The following USH2A variants were observed in gnomAD, a reference collection of about 807,000 sequenced individuals.
The protein encoded by USH2A is Usher syndrome 2A (autosomal recessive, mild).
Under a neutral mutation model 538.9 loss-of-function variants are expected in USH2A, and 443 were observed. The observed-to-expected ratio is 0.82, with a 90% CI of 0.76 to 0.89. The LOEUF (loss-of-function observed/expected upper bound fraction) is 0.89. Ranked by LOEUF, USH2A falls within the 40% of genes least tolerant of loss-of-function variation. The pLI is 0.00. For synonymous variants in USH2A, 2,413 were observed against 2,273.5 expected, an observed-to-expected ratio of 1.06 and a Z score of -1.75; for missense variants, 6,633 against 6,324.8, an observed-to-expected ratio of 1.05 and a Z score of -1.65.
chr1:216,065,341 A>G (rs932271217), intron 30 of USH2A, among the ~76,000 whole-genome samples: 1 of 152,228 alleles, frequency 6.6e-6, no homozygotes, highest in African/African-American at 2.4e-5. Flanking sequence ...TGTTATCAAT[A>G]TGGTATATCT....
chr1:216,348,023 T>G (rs1485009617), intron 4 of USH2A, among the ~76,000 whole-genome samples: 1 of 152,178 alleles, frequency 6.6e-6, no homozygotes, highest in Non-Finnish European at 1.5e-5. Flanking sequence ...CTTAAAATGT[T>G]GCTGATCCTT....
At chr1:216,249,197 A>T (rs770757662) in intron 12 of USH2A, among the ~76,000 whole-genome samples, 1 of 152,104 alleles carries the variant, frequency 6.6e-6, no homozygotes, top group Non-Finnish European at 1.5e-5. Context: ...CAGAAATAAC[A>T]CTAGAAATAA....
chr1:216,051,741 A>T (rs543904775), intron 30 of USH2A, among the ~76,000 whole-genome samples: 1 of 152,244 alleles, frequency 6.6e-6, no homozygotes, highest in African/African-American at 2.4e-5. Context: ...CAATGCTGAT[A>T]TACAGGTTGG....
rs756832238 is a variant in USH2A at position 215,675,096 on chromosome 1, G to A, written c.12815C>T (p.Ser4272Phe). The change falls in exon 63 of 72, where the codon TCC becomes TTC. Residue 4272 changes from serine to phenylalanine, a missense_variant. Physicochemically the swap from Ser to Phe is radical, Grantham distance 155 (BLOSUM62 -2). Transcript: ENST00000307340. Reference sequence around the variant, plus strand: ...TTTTTGGGGATTCATAGAAACATAGGATATCACAGGTGGAGAGAGACCTTC... The same window carrying A: ...TTTTTGGGGATTCATAGAAACATAGAATATCACAGGTGGAGAGAGACCTTC... The part of the protein sequence containing the change: ...PPEGLSPPVI[S>F]YVSMNPQKLL... The A allele has an allele frequency of 1.2e-6, 2 of 1,614,072 alleles. No homozygotes were observed. The highest frequency in any genetic ancestry group is 4.5e-5 in the East Asian group (2 of 44,870).
chr1:215,982,522 T>C (rs942489128), intron 35 of USH2A, among the ~76,000 whole-genome samples: 2 of 152,214 alleles, frequency 1.3e-5, no homozygotes, highest in African/African-American at 4.8e-5. Context: ...AATAGTTTCT[T>C]ATATTTGTAT....
intron 21 of USH2A, 100 bp from the exon 22 acceptor site, chr1:216,097,313 T>G: frequency 6.3e-7 from 1 of 1,592,650 alleles, no homozygotes; most frequent in South Asian, 1.1e-5. Context: ...ATGTAGTGAG[T>G]ACAGTCAGGA....
intron 32 of USH2A, among the ~76,000 whole-genome samples, chr1:216,031,002 A>G (rs1160986749): frequency 6.6e-6 from 1 of 151,778 alleles, no homozygotes; most frequent in East Asian, 1.9e-4. Context: ...TTCTTCTTGT[A>G]TATCCAACAC....
At chr1:216,173,571 C>A (rs1407105699) in intron 21 of USH2A, among the ~76,000 whole-genome samples, 2 of 152,122 alleles carry the variant, frequency 1.3e-5, no homozygotes, top group African/African-American at 4.8e-5. Context: ...GTGTTTACAG[C>A]CTAACTTTTT....
chr1:216,249,076 T>C (rs2036107676), intron 12 of USH2A, among the ~76,000 whole-genome samples: 1 of 152,126 alleles, frequency 6.6e-6, no homozygotes, highest in Non-Finnish European at 1.5e-5. Context: ...TGGGCTTCTT[T>C]TTTTTTCATA....
intron 47 of USH2A, among the ~76,000 whole-genome samples, chr1:215,823,976 G>C (rs1663086409): frequency 6.6e-6 from 1 of 151,934 alleles, no homozygotes; most frequent in South Asian, 2.1e-4. Context: ...CCTTAAAACT[G>C]TTTGAATTCT....
chr1:216,025,897 T>C (rs1057006184), intron 32 of USH2A, among the ~76,000 whole-genome samples: 2 of 152,174 alleles, frequency 1.3e-5, no homozygotes, highest in East Asian at 1.9e-4. Context: ...CTAATCTCCC[T>C]ACATGAAATA....
chr1:215,777,729 C>A (rs1008007386), intron 55 of USH2A, among the ~76,000 whole-genome samples: 4 of 152,204 alleles, frequency 2.6e-5, no homozygotes, highest in Non-Finnish European at 1.5e-5. Flanking sequence ...TGCAAGCTGG[C>A]AATTCATTTT....
At chr1:215,679,618 C>T (rs899566611) in intron 62 of USH2A, among the ~76,000 whole-genome samples, 2 of 152,178 alleles carry the variant, frequency 1.3e-5, no homozygotes, top group Admixed American at 6.5e-5. Context: ...GCTTGAGATA[C>T]GTATACAACA....
chr1:216,086,196 C>T (rs533243410), intron 24 of USH2A, among the ~76,000 whole-genome samples: 124 of 152,100 alleles, frequency 8.2e-4, no homozygotes, highest in Non-Finnish European at 1.1e-3. Flanking sequence ...TTGTCTATAG[C>T]TCAATTATAG....
At chr1:216,368,938 C>T (rs1311779696) in intron 3 of USH2A, among the ~76,000 whole-genome samples, 2 of 152,058 alleles carry the variant, frequency 1.3e-5, no homozygotes, top group Non-Finnish European at 2.9e-5. Context: ...CAGAATAACA[C>T]CTTTCTAATA....
chr1:216,045,281 C>T (rs917507460), intron 32 of USH2A, among the ~76,000 whole-genome samples: 1 of 152,026 alleles, frequency 6.6e-6, no homozygotes, highest in East Asian at 1.9e-4. Context: ...AATACAAAAC[C>T]ACTATAAGTA....
intron 11 of USH2A, among the ~76,000 whole-genome samples, chr1:216,285,737 C>T (rs972146725): frequency 3.3e-5 from 5 of 152,204 alleles, no homozygotes; most frequent in African/African-American, 9.6e-5. Context: ...GCCACAGGGG[C>T]CGAGCTGCCC....
At chr1:215,874,785 A>G (rs1029897047) in intron 43 of USH2A, among the ~76,000 whole-genome samples, 2 of 152,216 alleles carry the variant, frequency 1.3e-5, no homozygotes, top group African/African-American at 4.8e-5. Context: ...TTATTTATGC[A>G]GACGTTAAGT....
Position 215,640,800 on chromosome 1 carries a change from TAAA to T in USH2A, c.14792-69_14792-67del, listed in dbSNP as rs371387260. 3.2e-4 allele frequency: 348 copies of T among 1,075,822 alleles called. 2 individuals are homozygous for T. In the African/African-American group the frequency reaches 6.8e-3, roughly 21 times the overall value. 66.6% of individuals were successfully genotyped at this position (1,075,822 alleles called of 1,614,324 possible). ...TTTGAAGGAGTGCAGGTGTGCACTTTAAAAAAAAAAAATATGAGCAAAATCAAA... is the reference window on the plus strand; with the variant it reads ...TTTGAAGGAGTGCAGGTGTGCACTTTAAAAAAAAATATGAGCAAAATCAAA... On this transcript the variant is annotated intron_variant, in intron 67 of 71. Coordinates refer to ENST00000307340, the MANE Select transcript of USH2A (RefSeq NM_206933.4).
Sources: gnomAD v4.1 joint callset for allele counts (sites outside exome capture counted in the v4.1 genomes callset) on GRCh38, gnomAD v4.1.1 for gene constraint, MANE v1.5 for transcripts, NCBI Gene and HGNC (gene_info 2026-07-23, HGNC 2026-07-21) for gene names.